The following OR6N1 variants were observed in gnomAD, a reference collection of about 807,000 sequenced individuals.
The protein encoded by OR6N1 is olfactory receptor family 6 subfamily N member 1.
For synonymous variants in OR6N1, 170 were observed against 150.7 expected (o/e 1.13, Z -0.94); for missense variants, 394 against 371.7 (o/e 1.06, Z -0.49).
the OR6N1 span, among the ~76,000 whole-genome samples, chr1:158,790,657 GC>G: frequency 6.6e-6 from 1 of 152,146 alleles, no homozygotes; most frequent in Non-Finnish European, 1.5e-5. Context: ...ACCTGCCTGG[GC>G]CTCCCAAAGT....
the OR6N1 span, among the ~76,000 whole-genome samples, chr1:158,817,200 A>C: frequency 6.6e-6 from 1 of 152,212 alleles, no homozygotes; most frequent in Admixed American, 6.5e-5. Context: ...ATATATGATA[A>C]CTTTTAAGAA....
At chr1:158,804,862 G>A in the OR6N1 span, among the ~76,000 whole-genome samples, 1 of 152,038 alleles carries the variant, frequency 6.6e-6, no homozygotes, top group South Asian at 2.1e-4. Flanking sequence ...TCTAGGAACT[G>A]GAGAAAATGG....
chr1:158,766,878 GCCT>G (rs1446396003), intron 1 of OR6N1, among the ~76,000 whole-genome samples, 178 bp from the exon 2 acceptor site: 2 of 152,026 alleles, frequency 1.3e-5, no homozygotes, highest in Non-Finnish European at 2.9e-5. Context: ...CCTGTCAACA[GCCT>G]CCTTCAGACT....
upstream of OR6N1, chr1:158,776,764 C>T (rs962926782): frequency 8.1e-6 from 13 of 1,613,854 alleles, no homozygotes; most frequent in African/African-American, 1.7e-4. Flanking sequence ...GTTACGAAGA[C>T]TGTAGATAAT....
chr1:158,790,269 G>A, the OR6N1 span, among the ~76,000 whole-genome samples: 1 of 152,118 alleles, frequency 6.6e-6, no homozygotes, highest in Non-Finnish European at 1.5e-5. Flanking sequence ...TTCAAGTACT[G>A]TGATATATCT....
rs144086363 is a variant in OR6N1 at position 158,764,771 on chromosome 1, G to C, written c.*973C>G. ...TTACAATTCAATAAAGAAATGGTTCGATGTAAAAAGTAATCCTATTTCTTT... is the reference window on the plus strand; with the variant it reads ...TTACAATTCAATAAAGAAATGGTTCCATGTAAAAAGTAATCCTATTTCTTT... On this transcript the variant is annotated 3_prime_UTR_variant, in exon 2 of 2. Coordinates refer to ENST00000641846, the MANE Select transcript of OR6N1 (RefSeq NM_001005185.2). 6.6e-6 allele frequency: 1 copy of C among 151,908 alleles called. No homozygotes were observed. Among genetic ancestry groups the C allele is most frequent in the Non-Finnish European group, 1.5e-5 (1 of 67,944 alleles). 9.4% of individuals were successfully genotyped at this position (151,908 alleles called of 1,614,324 possible).
At chr1:158,804,153 C>T in the OR6N1 span, among the ~76,000 whole-genome samples, 1 of 152,152 alleles carries the variant, frequency 6.6e-6, no homozygotes, top group African/African-American at 2.4e-5. Flanking sequence ...CTGATTGGTT[C>T]CTGAGAAGAG....
the OR6N1 span, among the ~76,000 whole-genome samples, chr1:158,781,818 G>C: frequency 1.3e-5 from 2 of 152,240 alleles, no homozygotes; most frequent in Admixed American, 1.3e-4. Flanking sequence ...GTTTACCTGA[G>C]CATTTGCTAA....
the OR6N1 span, among the ~76,000 whole-genome samples, chr1:158,798,818 T>C: frequency 6.6e-6 from 1 of 152,188 alleles, no homozygotes; most frequent in Non-Finnish European, 1.5e-5. Context: ...GCGTGTTAAT[T>C]TTCCTTACAG....
the OR6N1 span, among the ~76,000 whole-genome samples, chr1:158,793,851 T>C: frequency 2.0e-5 from 3 of 152,152 alleles, no homozygotes; most frequent in Non-Finnish European, 4.4e-5. Context: ...CCAGCCTTGA[T>C]AGAGGTAGCT....
upstream of OR6N1, among the ~76,000 whole-genome samples, chr1:158,773,682 C>A (rs568561191): frequency 6.6e-6 from 1 of 152,232 alleles, no homozygotes; most frequent in South Asian, 2.1e-4. Flanking sequence ...TTCCCTCCCC[C>A]ACCACATGTA....
the OR6N1 span, among the ~76,000 whole-genome samples, chr1:158,802,821 G>T: frequency 2.0e-5 from 3 of 152,034 alleles, no homozygotes; most frequent in East Asian, 5.8e-4. Context: ...TATTACCCAG[G>T]CATCTTCATG....
At chr1:158,831,231 C>G in the OR6N1 span, 2 of 152,182 alleles carry the variant, frequency 1.3e-5, no homozygotes, top group Non-Finnish European at 2.9e-5. Flanking sequence ...AGATTACTTA[C>G]TACAAAGAGG....
rs1571599864 is a variant in OR6N1, at chr1:158,765,836, G to C, written c.847C>G (p.Pro283Ala). The change falls in exon 2 of 2, where the codon CCC becomes GCC. Residue 283 changes from proline (P) to alanine (A), a missense_variant. Transcript: ENST00000641846. ...CTGTAGATGAAGGGGTTGAGGAAGG[G>C]TGTGAGCACTGAGTAGACCACTGCC... ...ALAVVYSVLT[P>A]FLNPFIYSLR... 6.2e-6 allele frequency: 10 copies of C among 1,614,144 alleles called. No homozygotes were observed. Among genetic ancestry groups the C allele is most frequent in the Non-Finnish European group, 6.8e-6 (8 of 1,180,000 alleles).
At chr1:158,772,309 T>C (rs1657442429), upstream of OR6N1, 1 of 152,102 alleles carries the variant, frequency 6.6e-6, no homozygotes, top group Non-Finnish European at 1.5e-5. Flanking sequence ...CCTCCTGGGG[T>C]CACTAAAGTG....
chr1:158,824,796 C>A, the OR6N1 span, among the ~76,000 whole-genome samples: 1 of 152,094 alleles, frequency 6.6e-6, no homozygotes, highest in African/African-American at 2.4e-5. Flanking sequence ...CCCTTCCTTA[C>A]CCCATATACA....
chr1:158,801,821 C>A, the OR6N1 span, among the ~76,000 whole-genome samples: 2 of 152,060 alleles, frequency 1.3e-5, no homozygotes, highest in Non-Finnish European at 2.9e-5. Context: ...AAGATCAAAG[C>A]CTTTACCTAG....
the OR6N1 span, among the ~76,000 whole-genome samples, chr1:158,810,931 T>C: frequency 1.3e-5 from 2 of 152,154 alleles, no homozygotes; most frequent in Non-Finnish European, 2.9e-5. Context: ...GTTTGTTACA[T>C]AGGTAAACCT....
At chr1:158,806,291 G>T in the OR6N1 span, among the ~76,000 whole-genome samples, 1 of 152,136 alleles carries the variant, frequency 6.6e-6, no homozygotes, top group Non-Finnish European at 1.5e-5. Flanking sequence ...AGATAAATTT[G>T]GACCCTTAGG....
Sources: gnomAD v4.1 joint callset for allele counts (sites outside exome capture counted in the v4.1 genomes callset) on GRCh38, gnomAD v4.1.1 for gene constraint, MANE v1.5 for transcripts, NCBI Gene and HGNC (gene_info 2026-07-23, HGNC 2026-07-21) for gene names.